Variants in GTF2H1 observed in about 807,000 individuals in gnomAD.
GTF2H1 encodes BTF2 p62.
A neutral mutation model predicts 71.2 loss-of-function variants in GTF2H1; 16 were observed. The observed-to-expected ratio is 0.22, with a 90% confidence interval of 0.15 to 0.34. The LOEUF is 0.34. Among genes scored for constraint, GTF2H1 ranks in the 10% least tolerant of loss-of-function variants. GTF2H1 has a pLI of 1.00. For synonymous variants in GTF2H1, 215 were observed against 219.0 expected (o/e 0.98, Z 0.16); for missense variants, 498 against 648.2 (o/e 0.77, Z 2.52).
At chr11:18,351,271 G>T (rs1202702910) in intron 9 of GTF2H1, among the ~76,000 whole-genome samples, 1 of 143,810 alleles carries the variant, frequency 7.0e-6, no homozygotes, top group Admixed American at 7.6e-5. Flanking sequence ...GCAAAAAGCG[G>T]GCAAAGAGGC....
chr11:18,349,183 C>T (rs924565268), intron 9 of GTF2H1, among the ~76,000 whole-genome samples: 16 of 152,200 alleles, frequency 1.1e-4, no homozygotes, highest in Admixed American at 1.0e-3. Flanking sequence ...GCATGAGCCA[C>T]TGTGCCAGCC....
intron 1 of GTF2H1, among the ~76,000 whole-genome samples, chr11:18,323,354 T>G (rs1243004245): frequency 6.8e-6 from 1 of 148,088 alleles, no homozygotes; most frequent in Non-Finnish European, 1.5e-5. Context: ...TGGAATGCAG[T>G]GGCGTGATAA....
intron 11 of GTF2H1, among the ~76,000 whole-genome samples, chr11:18,356,477 A>C (rs1472547142): frequency 1.3e-5 from 2 of 152,066 alleles, no homozygotes; most frequent in African/African-American, 4.8e-5. Context: ...ACATAAATGC[A>C]CACATAACCA....
chr11:18,360,311 C>T (rs373059891), intron 13 of GTF2H1, among the ~76,000 whole-genome samples: 2 of 151,654 alleles, frequency 1.3e-5, no homozygotes, highest in East Asian at 3.9e-4. Context: ...TTAGCGGAGA[C>T]GGGGTTTCAC....
At chr11:18,357,634 C>T (rs1168316882) in intron 11 of GTF2H1, among the ~76,000 whole-genome samples, 1 of 152,090 alleles carries the variant, frequency 6.6e-6, no homozygotes, top group Non-Finnish European at 1.5e-5. Context: ...TCAATTTTAC[C>T]TTCAGTGGTA....
In GTF2H1 at chr11:18,335,921, A is replaced by G. The variant is rs1565007166; in HGVS notation, c.322A>G (p.Asn108Asp). The change falls in exon 3 of 15, where the codon AAT (asparagine) becomes GAT (aspartate). Residue 108 changes from asparagine (N) to aspartate (D), a missense_variant. Physicochemically the swap from Asn to Asp is conservative, Grantham distance 23. Transcript: ENST00000265963. ...GCTGCCCAAATTCAAGAGGAAAGCA[A>G]ATAAAGAACTGGAAGAGAAGAACAG... ...QLLPKFKRKA[N>D]KELEEKNRML... The G allele has an allele frequency of 5.0e-6, 8 of 1,614,086 alleles. No individual in the cohort carries two copies. The highest frequency in any genetic ancestry group is 6.8e-6 in the Non-Finnish European group (8 of 1,179,924).
chr11:18,366,462 T>C lies in GTF2H1; in HGVS notation c.*593T>C, dbSNP rs902573616. On this transcript the variant is annotated 3_prime_UTR_variant, in exon 15 of 15. Transcript: ENST00000265963. ...AAATAAAGCAAAGGGAGACTGTTGCTCAACCATCAGGAAACAGTTGTCAGA... is the reference window on the plus strand; with the variant it reads ...AAATAAAGCAAAGGGAGACTGTTGCCCAACCATCAGGAAACAGTTGTCAGA... 2.0e-5 allele frequency: 3 copies of C among 152,636 alleles called. No homozygotes were observed. Among genetic ancestry groups the C allele is most frequent in the African/African-American group, 7.2e-5 (3 of 41,464 alleles). The allele number at this position is 152,636 out of a possible 1,614,324, so 9.5% of individuals were successfully genotyped here.
At chr11:18,340,168 A>G (rs192011884) in intron 5 of GTF2H1, among the ~76,000 whole-genome samples, 4 of 152,178 alleles carry the variant, frequency 2.6e-5, no homozygotes, top group South Asian at 2.1e-4. Context: ...CCTCTATGAA[A>G]TCCTGGCCAG....
At chr11:18,362,319 G>A (rs1865720999) in intron 14 of GTF2H1, among the ~76,000 whole-genome samples, 1 of 152,180 alleles carries the variant, frequency 6.6e-6, no homozygotes, top group African/African-American at 2.4e-5. Context: ...CAGGACTGCA[G>A]GACTAGAAGT....
chr11:18,362,042 A>G (rs993004644), intron 14 of GTF2H1, among the ~76,000 whole-genome samples: 2 of 152,374 alleles, frequency 1.3e-5, no homozygotes, highest in African/African-American at 4.8e-5. Flanking sequence ...GTTCTAAACA[A>G]TTCATTGACA....
chr11:18,350,052 C>G (rs367599665), intron 9 of GTF2H1, among the ~76,000 whole-genome samples: 6 of 152,184 alleles, frequency 3.9e-5, no homozygotes, highest in African/African-American at 1.4e-4. Flanking sequence ...TTGAAAAATT[C>G]CAAGTCAAAC....
chr11:18,355,068 C>T (rs1376408860), intron 11 of GTF2H1, among the ~76,000 whole-genome samples: 1 of 151,842 alleles, frequency 6.6e-6, no homozygotes, highest in African/African-American at 2.4e-5. Flanking sequence ...CCTCGGCCTC[C>T]CAAAGTGCTG....
intron 7 of GTF2H1, among the ~76,000 whole-genome samples, chr11:18,346,227 T>G (rs1344283172): frequency 6.6e-6 from 1 of 152,214 alleles, no homozygotes; most frequent in Non-Finnish European, 1.5e-5. Context: ...TTTGTTTTAT[T>G]TTTAAATAGA....
chr11:18,364,353 A>G (rs981704788), intron 14 of GTF2H1, among the ~76,000 whole-genome samples: 1 of 152,154 alleles, frequency 6.6e-6, no homozygotes, highest in Non-Finnish European at 1.5e-5. Context: ...AGACTTGGCA[A>G]AACTTTACTT....
Position 18,357,968 on chromosome 11 carries a change from C to T in GTF2H1, c.1277C>T (p.Ala426Val). ...TTTTTTCAGGTTCTCTCAAGTAGTGCTGCCAGTAGTACCATCACAGCACTG... is the reference window on the plus strand; with the variant it reads ...TTTTTTCAGGTTCTCTCAAGTAGTGTTGCCAGTAGTACCATCACAGCACTG... ...PKLTQVLSSS[A>V]ASSTITALSP... is the part of the protein sequence containing the mutation. Residue 426 changes from alanine to valine, a missense_variant, in exon 12 of 15, where the codon GCT (alanine) becomes GTT (valine). Physicochemically the swap from Ala to Val is moderately conservative, Grantham distance 64. Around this residue, in one of 3 missense-constraint regions of GTF2H1, gnomAD observed 266 missense variants for 301.6 expected, o/e 0.88. Coordinates refer to ENST00000265963, the MANE Select transcript of GTF2H1 (RefSeq NM_005316.4). The T allele has an allele frequency of 1.2e-6, 2 of 1,608,710 alleles. No homozygotes were observed. Among genetic ancestry groups the T allele is most frequent in the Non-Finnish European group, 1.7e-6 (2 of 1,175,448 alleles).
chr11:18,328,137 A>C (rs1271822359), intron 1 of GTF2H1, among the ~76,000 whole-genome samples: 1 of 147,266 alleles, frequency 6.8e-6, no homozygotes, highest in African/African-American at 2.5e-5. Context: ...GGGGAGGCGG[A>C]GGTTGCAGTA....
intron 7 of GTF2H1, 86 bp from the exon 8 acceptor site, chr11:18,347,502 T>C (rs1321325518): frequency 1.1e-6 from 1 of 893,174 alleles, no homozygotes; most frequent in East Asian, 2.7e-5. Flanking sequence ...AGTCCCATCA[T>C]CCAGCAAATT....
rs370555904 is a variant in GTF2H1, at chr11:18,341,180, T to A, written c.608-81T>A. On this transcript the variant is annotated intron_variant, in intron 5 of 14. Transcript: ENST00000265963. ...GAGAGCTTTATGGTCTAGATTTTGC[T>A]ATTTGTATTTCAGTTACCTAATTTG... 12 of 1,029,482 alleles carry A rather than the reference T, an allele frequency of 1.2e-5. No homozygotes were observed. The African/African-American group carries it at 1.8e-4, about 15-fold the overall frequency. The allele number at this position is 1,029,482 out of a possible 1,614,324, so 63.8% of individuals were successfully genotyped here.
At chr11:18,341,657 T>G (rs1214263248) in intron 7 of GTF2H1, 50 bp downstream of exon 7, 1 of 1,168,008 alleles carries the variant, frequency 8.6e-7, no homozygotes, top group Non-Finnish European at 1.3e-6. Flanking sequence ...TTTCCTAGTC[T>G]TCAACATTGT....
Sources: allele counts gnomAD v4.1 joint callset (sites outside exome capture counted in the v4.1 genomes callset), GRCh38; gene constraint gnomAD v4.1.1; regional missense constraint gnomAD v4.1.1; transcripts MANE v1.5; gene names NCBI Gene and HGNC (gene_info 2026-07-23, HGNC 2026-07-21).